Variants in SLC38A11 observed in about 807,000 individuals in gnomAD.
SLC38A11 encodes the protein putative sodium-coupled neutral amino acid transporter 11.
SLC38A11 carries 51 observed loss-of-function variants against 49.4 expected under a neutral mutation model. The observed-to-expected ratio is 1.03, with a 90% CI of 0.83 to 1.30. SLC38A11 has a LOEUF of 1.30. Among genes scored for constraint, SLC38A11 ranks in the 50% most tolerant of loss-of-function variants. The pLI, the probability that SLC38A11 is intolerant of heterozygous loss-of-function variation, is 0.00. For synonymous variants in SLC38A11, 203 were observed against 192.9 expected (o/e 1.05, Z -0.43); for missense variants, 574 against 556.2 (o/e 1.03, Z -0.32).
Position 164,896,115 on chromosome 2 carries a change from T to C in SLC38A11, c.*2322A>G, listed in dbSNP as rs575281093. ...TTATTGAACTGAGGCAGAAAATAGA[T>C]TGAGGGGTGGGGTTCTTGCAGTTAT... On this transcript the variant is annotated 3_prime_UTR_variant, in exon 12 of 12. Transcript: ENST00000685975. The C allele has an allele frequency of 6.6e-6, 1 of 152,186 alleles. No individual in the cohort carries two copies. The highest frequency in any genetic ancestry group is 1.5e-5 in the Non-Finnish European group (1 of 67,966). 9.4% of individuals were successfully genotyped at this position (152,186 alleles called of 1,614,324 possible). A position where few individuals can be genotyped will look rare whatever the true frequency, so the allele number is the denominator to read the frequency against.
chr2:164,948,416 G>T (rs1688285918), intron 3 of SLC38A11, among the ~76,000 whole-genome samples: 1 of 152,136 alleles, frequency 6.6e-6, no homozygotes, highest in South Asian at 2.1e-4. Context: ...AACAACCAGA[G>T]GTAGGTGCTG....
intron 10 of SLC38A11, 30 bp downstream of exon 10, chr2:164,911,606 G>C: frequency 4.3e-6 from 5 of 1,158,352 alleles, no homozygotes; most frequent in Non-Finnish European, 6.2e-6. Context: ...AGATCACCTG[G>C]GTAAAGCGTT....
At chr2:164,905,643 G>A (rs1278132860) in intron 11 of SLC38A11, among the ~76,000 whole-genome samples, 1 of 152,078 alleles carries the variant, frequency 6.6e-6, no homozygotes, top group Non-Finnish European at 1.5e-5. Flanking sequence ...CTTATTCTCA[G>A]GTGGTCTGAG....
chr2:164,901,217 T>C (rs1222389650), intron 11 of SLC38A11, among the ~76,000 whole-genome samples: 1 of 152,180 alleles, frequency 6.6e-6, no homozygotes, highest in Non-Finnish European at 1.5e-5. Context: ...GTAATATCAT[T>C]TGAAATCAGA....
At chr2:164,950,619 A>T (rs894277122) in intron 3 of SLC38A11, among the ~76,000 whole-genome samples, 1 of 152,206 alleles carries the variant, frequency 6.6e-6, no homozygotes, top group African/African-American at 2.4e-5. Context: ...TTTTCTTTTA[A>T]ATAATTTTGT....
intron 7 of SLC38A11, among the ~76,000 whole-genome samples, chr2:164,926,202 G>C (rs140412263): frequency 6.6e-6 from 1 of 152,068 alleles, no homozygotes; most frequent in South Asian, 2.1e-4. Flanking sequence ...ATTGAGACTC[G>C]ATCTAGTTAC....
chr2:164,929,226 A>G lies in SLC38A11; in HGVS notation c.617+8124T>C, dbSNP rs182417677. 5.3e-5 allele frequency among the ~76,000 whole-genome samples: 8 copies of G among 152,180 alleles called. No individual in the cohort carries two copies. The East Asian group carries it at 1.5e-3, about 29-fold the overall frequency. On this transcript the variant is annotated intron_variant, in intron 7 of 11. Coordinates refer to ENST00000685975, the MANE Select transcript of SLC38A11 (RefSeq NM_001351537.2). Reference sequence around the variant, plus strand: ...ATTTGATTGAAATTCCCATCACTGAAGTGGACATATGTAGTTTGCACCCTG... The same window carrying G: ...ATTTGATTGAAATTCCCATCACTGAGGTGGACATATGTAGTTTGCACCCTG...
intron 6 of SLC38A11, chr2:164,937,681 A>C: frequency 3.7e-6 from 1 of 272,782 alleles, no homozygotes; most frequent in East Asian, 7.2e-5. Context: ...ACCATGCAAC[A>C]TGGCTTTAAA....
chr2:164,955,113 C>G, intron 1 of SLC38A11, 96 bp downstream of exon 1: 1 of 1,226,712 alleles, frequency 8.2e-7, no homozygotes, highest in South Asian at 1.3e-5. Context: ...GGTGCTAAAC[C>G]AAGAGCCCAG....
chr2:164,933,096 T>A (rs1687119162), intron 7 of SLC38A11, among the ~76,000 whole-genome samples: 1 of 152,120 alleles, frequency 6.6e-6, no homozygotes, highest in Non-Finnish European at 1.5e-5. Context: ...ATGGACTCAC[T>A]TTTTGGAATT....
At chr2:164,919,102 C>T (rs769809209) in intron 7 of SLC38A11, among the ~76,000 whole-genome samples, 2 of 151,924 alleles carry the variant, frequency 1.3e-5, no homozygotes, top group African/African-American at 2.4e-5. Context: ...TTTGGGAGGC[C>T]GAGGCAGAAG....
At chr2:164,931,505 C>A (rs181553619) in intron 7 of SLC38A11, among the ~76,000 whole-genome samples, 1 of 152,006 alleles carries the variant, frequency 6.6e-6, no homozygotes, top group Non-Finnish European at 1.5e-5. Flanking sequence ...AGGCATCACG[C>A]TACCCAACTT....
At chr2:164,951,207 C>A (rs10497253) in intron 3 of SLC38A11, among the ~76,000 whole-genome samples, 6 of 151,610 alleles carry the variant, frequency 4.0e-5, no homozygotes, top group Non-Finnish European at 5.9e-5. Flanking sequence ...TGTATGCATA[C>A]TTTTAAATGT....
intron 7 of SLC38A11, 118 bp downstream of exon 7, chr2:164,937,232 C>T: frequency 1.4e-6 from 1 of 704,644 alleles, no homozygotes; most frequent in Non-Finnish European, 2.4e-6. Flanking sequence ...TTGTCAAATA[C>T]CAAAGATAAA....
chr2:164,951,722 G>C (rs1688534818), intron 3 of SLC38A11, among the ~76,000 whole-genome samples: 1 of 152,152 alleles, frequency 6.6e-6, no homozygotes, highest in South Asian at 2.1e-4. Context: ...CTTGGGCAAG[G>C]GGTCTGTGGA....
intron 3 of SLC38A11, among the ~76,000 whole-genome samples, chr2:164,951,374 G>C (rs1047597003): frequency 6.6e-6 from 1 of 151,514 alleles, no homozygotes; most frequent in Non-Finnish European, 1.5e-5. Flanking sequence ...TTTTTTTTTA[G>C]TGTAATAAAT....
chr2:164,950,718 A>T (rs1559134230), intron 3 of SLC38A11, among the ~76,000 whole-genome samples: 1 of 152,166 alleles, frequency 6.6e-6, no homozygotes, highest in Non-Finnish European at 1.5e-5. Context: ...AATTTTTATA[A>T]TTCTTTTTGT....
intron 7 of SLC38A11, among the ~76,000 whole-genome samples, chr2:164,928,295 C>G (rs961088864): frequency 6.6e-6 from 1 of 152,054 alleles, no homozygotes; most frequent in Non-Finnish European, 1.5e-5. Context: ...ATGAAAGTAG[C>G]CTTAGGCAAA....
chr2:164,937,589 G>T, intron 6 of SLC38A11, 160 bp from the exon 7 acceptor site: 1 of 556,240 alleles, frequency 1.8e-6, no homozygotes, highest in Non-Finnish European at 3.2e-6. Context: ...ATAATCTCAG[G>T]CAGGTAACTT....
Sources: allele counts gnomAD v4.1 joint callset (sites outside exome capture counted in the v4.1 genomes callset), GRCh38; gene constraint gnomAD v4.1.1; transcripts MANE v1.5; gene names NCBI Gene and HGNC (gene_info 2026-07-23, HGNC 2026-07-21).